HCN1: variants seen among roughly 807,000 people sequenced by gnomAD.
HCN1 encodes potassium/sodium hyperpolarization-activated cyclic nucleotide-gated channel 1.
In HCN1, 13 loss-of-function variants were observed where a neutral mutation model predicts 78.9. The ratio of observed to expected loss-of-function variants is 0.16; its 90% CI spans 0.11 to 0.26. The LOEUF (loss-of-function observed/expected upper bound fraction) is 0.26, where lower values mean the gene tolerates loss of function less well. Among genes scored for constraint, HCN1 ranks in the 10% least tolerant of loss-of-function variants. The pLI, the probability that HCN1 is intolerant of heterozygous loss-of-function variation, is 1.00. For synonymous variants in HCN1, 552 were observed against 455.5 expected (o/e 1.21, Z -2.70); for missense variants, 810 against 1,154.3 (o/e 0.70, Z 4.32).
chr5:45,380,880 A>G (rs950767060), intron 4 of HCN1, among the ~76,000 whole-genome samples: 1 of 152,170 alleles, frequency 6.6e-6, no homozygotes, highest in African/African-American at 2.4e-5. Flanking sequence ...ACCTTCCTTC[A>G]TGTAAAACTA....
chr5:45,588,936 AGT>A (rs1744298551), intron 2 of HCN1, among the ~76,000 whole-genome samples: 1 of 152,202 alleles, frequency 6.6e-6, no homozygotes, highest in Non-Finnish European at 1.5e-5. Context: ...CTTGAAAGAC[AGT>A]TTATGTGCAG....
At chr5:45,544,293 T>C (rs574522228) in intron 2 of HCN1, among the ~76,000 whole-genome samples, 53 of 152,222 alleles carry the variant, frequency 3.5e-4, no homozygotes, top group South Asian at 6.2e-4. Flanking sequence ...AATAAAAACC[T>C]AGTAAATCAC....
At chr5:45,295,144 C>T (rs1745462891) in intron 6 of HCN1, among the ~76,000 whole-genome samples, 1 of 151,942 alleles carries the variant, frequency 6.6e-6, no homozygotes, top group Non-Finnish European at 1.5e-5. Flanking sequence ...GCTATGTAGA[C>T]AAATCTCCTT....
At chr5:45,363,081 A>G (rs1747149150) in intron 4 of HCN1, among the ~76,000 whole-genome samples, 1 of 147,300 alleles carries the variant, frequency 6.8e-6, no homozygotes, top group Non-Finnish European at 1.5e-5. Context: ...ATATATATAC[A>G]TATTTGTGAT....
intron 2 of HCN1, among the ~76,000 whole-genome samples, chr5:45,611,690 A>C (rs1744841069): frequency 6.6e-6 from 1 of 152,162 alleles, no homozygotes; most frequent in African/African-American, 2.4e-5. Context: ...GTAGCATGCT[A>C]TAGAGAAGAT....
intron 5 of HCN1, among the ~76,000 whole-genome samples, chr5:45,341,992 A>G (rs181797263): frequency 8.7e-4 from 132 of 152,234 alleles, no homozygotes; most frequent in African/African-American, 2.6e-3. Context: ...TATTAAAAAA[A>G]TCTGTAAAGG....
At chr5:45,486,114 C>T (rs77736385) in intron 2 of HCN1, among the ~76,000 whole-genome samples, 2,187 of 152,200 alleles carry the variant, frequency 0.014, 29 homozygotes, top group Non-Finnish European at 0.023. Flanking sequence ...CTTTGGAGAT[C>T]ATGTTCTAGG....
intron 3 of HCN1, among the ~76,000 whole-genome samples, chr5:45,406,732 A>G (rs1376949432): frequency 6.6e-6 from 1 of 152,150 alleles, no homozygotes; most frequent in East Asian, 1.9e-4. Context: ...AATTCTTTAA[A>G]CTATGTTTCT....
At chr5:45,639,109 T>TA (rs1437602787) in intron 2 of HCN1, among the ~76,000 whole-genome samples, 2 of 152,190 alleles carry the variant, frequency 1.3e-5, no homozygotes, top group Non-Finnish European at 2.9e-5. Context: ...CGAATATCCA[T>TA]AGTCATCTTT....
At chr5:45,528,627 T>C (rs1384451194) in intron 2 of HCN1, among the ~76,000 whole-genome samples, 3 of 151,926 alleles carry the variant, frequency 2.0e-5, no homozygotes, top group Non-Finnish European at 4.4e-5. Flanking sequence ...TGCTGCTTAA[T>C]AAATCTTAAA....
intron 4 of HCN1, among the ~76,000 whole-genome samples, chr5:45,371,852 T>C (rs1170182198): frequency 7.9e-6 from 1 of 126,668 alleles, no homozygotes; most frequent in African/African-American, 3.0e-5. Context: ...ATAAAATATA[T>C]ATAATATACA....
At chr5:45,549,558 G>A (rs1037934603) in intron 2 of HCN1, among the ~76,000 whole-genome samples, 11 of 151,952 alleles carry the variant, frequency 7.2e-5, no homozygotes, top group East Asian at 3.9e-4. Context: ...AAGAAAACCT[G>A]TGCAATACCA....
intron 7 of HCN1, among the ~76,000 whole-genome samples, chr5:45,265,083 A>T (rs1344214100): frequency 6.6e-6 from 1 of 151,932 alleles, no homozygotes; most frequent in African/African-American, 2.4e-5. Context: ...CCAGCTACTC[A>T]GGAGGCTGAG....
At chr5:45,496,857 T>C (rs1321157170) in intron 2 of HCN1, among the ~76,000 whole-genome samples, 1 of 152,204 alleles carries the variant, frequency 6.6e-6, no homozygotes, top group Non-Finnish European at 1.5e-5. Context: ...TAAATTTCCC[T>C]CTACACACTG....
intron 5 of HCN1, among the ~76,000 whole-genome samples, chr5:45,317,610 C>T (rs1473893747): frequency 1.3e-5 from 2 of 152,048 alleles, no homozygotes; most frequent in African/African-American, 2.4e-5. Context: ...AAGAAACTAC[C>T]ATCAGAGTGA....
chr5:45,292,928 T>C (rs1054823323), intron 6 of HCN1, among the ~76,000 whole-genome samples: 30 of 152,004 alleles, frequency 2.0e-4, no homozygotes, highest in Non-Finnish European at 8.8e-5. Context: ...ACTCAGACAA[T>C]TGATAAAGTA....
intron 1 of HCN1, among the ~76,000 whole-genome samples, chr5:45,651,391 T>A (rs969129589): frequency 6.6e-6 from 1 of 152,004 alleles, no homozygotes; most frequent in Non-Finnish European, 1.5e-5. Context: ...ATATAAAAGT[T>A]TGGACCATTG....
At chr5:45,453,190 A>T (rs1472193334) in intron 3 of HCN1, among the ~76,000 whole-genome samples, 1 of 152,120 alleles carries the variant, frequency 6.6e-6, no homozygotes, top group Non-Finnish European at 1.5e-5. Context: ...TGAACTCTTT[A>T]GAAAGAGAAA....
rs115401022 is a variant in HCN1, at chr5:45,318,793, C to T, written c.1378-14954G>A. On this transcript the variant is annotated intron_variant, in intron 5 of 7. Transcript: ENST00000303230. ...AGTCATTTTTTAAAAAATATATATG[C>T]ACCCGTATAACCAGCCGGATTCAAA... is the stretch of plus-strand genomic sequence containing the variant. Among the ~76,000 whole-genome samples, 1,043 of 151,898 alleles carry T rather than the reference C, an allele frequency of 6.9e-3. 16 individuals are homozygous for T. Among genetic ancestry groups the T allele is most frequent in the African/African-American group, 0.024 (993 of 41,452 alleles).
Sources: allele counts gnomAD v4.1 joint callset (sites outside exome capture counted in the v4.1 genomes callset), GRCh38; gene constraint gnomAD v4.1.1; transcripts MANE v1.5; gene names NCBI Gene and HGNC (gene_info 2026-07-23, HGNC 2026-07-21).